The following WDR7 variants were observed in gnomAD, a reference collection of about 807,000 sequenced individuals.
WDR7 encodes the protein WD repeat-containing protein 7.
In WDR7, 46 loss-of-function variants were observed where a neutral mutation model predicts 169.4. The ratio of observed to expected loss-of-function variants is 0.27; its 90% CI spans 0.21 to 0.35. The LOEUF (loss-of-function observed/expected upper bound fraction) is 0.35, where lower values mean the gene tolerates loss of function less well. Ranked by LOEUF, WDR7 falls within the 10% of genes least tolerant of loss-of-function variation. WDR7 has a pLI of 1.00. For missense variants in WDR7, 1,534 were observed against 1,859.3 expected (o/e 0.83, Z 3.22); for synonymous variants, 612 against 666.8 (o/e 0.92, Z 1.27).
intron 14 of WDR7, among the ~76,000 whole-genome samples, chr18:56,745,167 G>A (rs2043682979): frequency 6.6e-6 from 1 of 152,150 alleles, no homozygotes; most frequent in South Asian, 2.1e-4. Context: ...AAATATTGTT[G>A]ATGCAAGTAC....
chr18:56,681,706 G>C (rs1014001769), intron 4 of WDR7, among the ~76,000 whole-genome samples: 1 of 152,186 alleles, frequency 6.6e-6, no homozygotes, highest in Non-Finnish European at 1.5e-5. Flanking sequence ...CCTAAATAAT[G>C]GAATTCTTCC....
chr18:56,794,683 A>G (rs1181412898), intron 19 of WDR7, among the ~76,000 whole-genome samples: 1 of 152,146 alleles, frequency 6.6e-6, no homozygotes, highest in Admixed American at 6.5e-5. Flanking sequence ...CAATTTGTTA[A>G]TATTATTCAG....
chr18:56,703,399 GTTA>G (rs906983759), intron 12 of WDR7, among the ~76,000 whole-genome samples: 5 of 152,032 alleles, frequency 3.3e-5, no homozygotes, highest in African/African-American at 1.2e-4. Context: ...CTAGATTTTT[GTTA>G]TTAATTTAAT....
intron 21 of WDR7, among the ~76,000 whole-genome samples, chr18:56,896,820 C>T (rs2046338647): frequency 6.6e-6 from 1 of 151,550 alleles, no homozygotes; most frequent in Admixed American, 6.6e-5. Flanking sequence ...AGAAGACTGA[C>T]AAATTCAAGT....
At chr18:56,970,631 G>A (rs1376265540) in intron 26 of WDR7, among the ~76,000 whole-genome samples, 2 of 152,056 alleles carry the variant, frequency 1.3e-5, no homozygotes, top group African/African-American at 2.4e-5. Context: ...CATCCCCTGC[G>A]CGAGTGGGAT....
chr18:56,756,629 T>C lies in WDR7; in HGVS notation c.2036T>C (p.Ile679Thr). 1 of 1,613,338 alleles carries C rather than the reference T, an allele frequency of 6.2e-7. No individual in the cohort carries two copies. The highest frequency in any genetic ancestry group is 1.1e-5 in the South Asian group (1 of 90,782). The change falls in exon 15 of 28, where the codon ATA (isoleucine) becomes ACA (threonine). Residue 679 changes from isoleucine to threonine, a missense_variant. Ile to Thr is a moderately conservative substitution (Grantham distance 89, BLOSUM62 -1). Coordinates refer to ENST00000254442, the MANE Select transcript of WDR7 (RefSeq NM_015285.3). ...CATAACTCCCTGATGGTTCAAGCAA[T>C]AAAGACAAACCTAACAGACCCGGAC... ...YSHNSLMVQA[I>T]KTNLTDPDIH...
At chr18:56,826,109 T>C (rs914939652) in intron 20 of WDR7, among the ~76,000 whole-genome samples, 1 of 152,232 alleles carries the variant, frequency 6.6e-6, no homozygotes, top group African/African-American at 2.4e-5. Context: ...GTGAATAACC[T>C]TCAGGATGAA....
chr18:56,758,289 A>G lies in WDR7; in HGVS notation c.2760-576A>G, dbSNP rs1014654754. 2.0e-5 allele frequency among the ~76,000 whole-genome samples: 3 copies of G among 152,198 alleles called. No individual in the cohort carries two copies. The East Asian group carries it at 5.8e-4, about 29-fold the overall frequency. On this transcript the variant is annotated intron_variant, in intron 15 of 27. Transcript: ENST00000254442. ...CAGTCTCTGTTGTAAGTACTTTATA[A>G]AAACTAATTTGTTAGTTCCCTTAAC...
At chr18:56,867,828 G>C (rs183772161) in intron 20 of WDR7, among the ~76,000 whole-genome samples, 8 of 152,210 alleles carry the variant, frequency 5.3e-5, no homozygotes, top group Admixed American at 2.6e-4. Flanking sequence ...ACTGAAAGCT[G>C]TTTCAGTCTG....
At chr18:56,917,673 T>A (rs2046647831) in intron 21 of WDR7, among the ~76,000 whole-genome samples, 1 of 152,204 alleles carries the variant, frequency 6.6e-6, no homozygotes, top group Non-Finnish European at 1.5e-5. Flanking sequence ...TGAACAATAT[T>A]CATCTTGCTG....
chr18:56,894,665 C>T (rs1252251821), intron 21 of WDR7, among the ~76,000 whole-genome samples: 1 of 152,078 alleles, frequency 6.6e-6, no homozygotes, highest in Non-Finnish European at 1.5e-5. Flanking sequence ...AGTAGTTATT[C>T]TACCAAGTCA....
intron 20 of WDR7, among the ~76,000 whole-genome samples, chr18:56,855,634 G>A (rs1214043): frequency 6.6e-4 from 101 of 151,954 alleles, no homozygotes; most frequent in African/African-American, 2.4e-3. Context: ...ACCCTGGGGG[G>A]TTTTTGCTTA....
chr18:56,901,773 A>G (rs2145566739), intron 21 of WDR7, among the ~76,000 whole-genome samples: 1 of 152,246 alleles, frequency 6.6e-6, no homozygotes, highest in South Asian at 2.1e-4. Context: ...AGTGGTCATT[A>G]CAATGTATTT....
intron 26 of WDR7, among the ~76,000 whole-genome samples, chr18:56,969,280 A>G (rs1284173608): frequency 2.0e-5 from 3 of 152,118 alleles, no homozygotes; most frequent in Non-Finnish European, 4.4e-5. Flanking sequence ...CTTTTCTTTA[A>G]TGGTATACCT....
intron 21 of WDR7, among the ~76,000 whole-genome samples, chr18:56,901,619 A>G (rs1379245557): frequency 6.6e-6 from 1 of 152,190 alleles, no homozygotes; most frequent in Non-Finnish European, 1.5e-5. Flanking sequence ...ACAAGATCAC[A>G]TCTTTGATTA....
At chr18:56,796,410 G>A (rs1599050956) in intron 19 of WDR7, among the ~76,000 whole-genome samples, 1 of 152,166 alleles carries the variant, frequency 6.6e-6, no homozygotes, top group Non-Finnish European at 1.5e-5. Context: ...ACCCAGAGAT[G>A]TATATCTACT....
chr18:57,034,605 G>A (rs1374453496), downstream of WDR7: 1 of 152,180 alleles, frequency 6.6e-6, no homozygotes, highest in Non-Finnish European at 1.5e-5. Flanking sequence ...AACTTTCCTT[G>A]GTGATGCTTG....
chr18:56,788,111 A>G (rs2044430005), intron 19 of WDR7, among the ~76,000 whole-genome samples: 1 of 152,136 alleles, frequency 6.6e-6, no homozygotes, highest in Non-Finnish European at 1.5e-5. Context: ...TAATTACTAA[A>G]TGCTCAGGTT....
intron 14 of WDR7, among the ~76,000 whole-genome samples, chr18:56,738,649 T>TA (rs1394239952): frequency 6.6e-6 from 1 of 152,208 alleles, no homozygotes; most frequent in Non-Finnish European, 1.5e-5. Context: ...TCATAATAGT[T>TA]ACACTCATAA....
Sources: gnomAD v4.1 joint callset for allele counts (sites outside exome capture counted in the v4.1 genomes callset) on GRCh38, gnomAD v4.1.1 for gene constraint, MANE v1.5 for transcripts, NCBI Gene and HGNC (gene_info 2026-07-23, HGNC 2026-07-21) for gene names.